KRT86: variants seen among roughly 807,000 people sequenced by gnomAD.
KRT86 encodes the protein keratin 86, also known as keratin, type II cuticular Hb6.
KRT86 carries 30 observed loss-of-function variants against 41.2 expected under a neutral mutation model. That is an observed-to-expected ratio of 0.73 (90% CI 0.54 to 0.99). KRT86 has a LOEUF of 0.99. Ranked by LOEUF, KRT86 falls within the 50% of genes least tolerant of loss-of-function variation. KRT86 has a pLI of 0.00. For missense variants in KRT86, 561 were observed against 571.4 expected, an observed-to-expected ratio of 0.98 and a Z score of 0.19; for synonymous variants, 238 against 238.1, an observed-to-expected ratio of 1.00 and a Z score of 0.00.
intron 2 of KRT86, among the ~76,000 whole-genome samples, chr12:52,281,260 G>GCACT (rs1370262099): frequency 1.3e-5 from 2 of 152,212 alleles, no homozygotes; most frequent in East Asian, 1.9e-4. Flanking sequence ...CAGCAGAAGG[G>GCACT]CACTATAAGG....
intron 2 of KRT86, among the ~76,000 whole-genome samples, chr12:52,282,533 G>A (rs1937800561): frequency 6.6e-6 from 1 of 152,234 alleles, no homozygotes. Context: ...ACCGCGCCCG[G>A]CCAAGTTTTG....
intron 7 of KRT86, 104 bp downstream of exon 7, chr12:52,305,508 G>A: frequency 6.2e-7 from 1 of 1,602,868 alleles, no homozygotes; most frequent in Non-Finnish European, 8.5e-7. Context: ...GGGATGAGAA[G>A]AGATGGCTGC....
At position 52,308,661 on chromosome 12, in the gene KRT86, G is replaced by T. The variant is rs1314439117; in HGVS notation, c.*76G>T. The T allele has an allele frequency of 2.1e-6, 3 of 1,420,628 alleles. No individual in the cohort carries two copies. The highest frequency in any genetic ancestry group is 2.9e-6 in the Non-Finnish European group (3 of 1,037,528). The allele number at this position is 1,420,628 out of a possible 1,614,324, so 88.0% of individuals were successfully genotyped here. A position where few individuals can be genotyped will look rare whatever the true frequency, so the allele number is the denominator to read the frequency against. ...GTACCTCGCGCCACCAGAACGCGCC[G>T]CCCGCGCCGGCCTCCCAATAGCCGC... is the stretch of plus-strand genomic sequence containing the variant. On this transcript the variant is annotated 3_prime_UTR_variant, in exon 11 of 11. Coordinates refer to ENST00000423955, the MANE Select transcript of KRT86 (RefSeq NM_001320198.2).
At chr12:52,280,072 G>C (rs1565735837) in intron 2 of KRT86, among the ~76,000 whole-genome samples, 1 of 152,212 alleles carries the variant, frequency 6.6e-6, no homozygotes, top group Admixed American at 6.5e-5. Flanking sequence ...ATGGGGGCTG[G>C]AGAGAGATGA....
In KRT86 at chr12:52,304,921, C is replaced by T. The variant is rs1436527503; in HGVS notation, c.640-11C>T. On this transcript the variant is annotated splice_polypyrimidine_tract_variant and intron_variant, in intron 5 of 10. Transcript: ENST00000423955. ...AGGGTCCTTGAGCTCCAACACTCCC[C>T]ACCTTTCCAGGATGTGGACTGCGCC... is the stretch of plus-strand genomic sequence containing the variant. 6.2e-7 allele frequency: 1 copy of T among 1,613,854 alleles called. No individual in the cohort carries two copies.
chr12:52,295,457 C>T (rs183154548), intron 2 of KRT86, among the ~76,000 whole-genome samples: 129 of 152,302 alleles, frequency 8.5e-4, no homozygotes, highest in African/African-American at 1.3e-3. Context: ...TGTACACCAT[C>T]GGCCATCAGT....
At position 52,306,229 on chromosome 12, in the gene KRT86, T is replaced by C. The variant is rs754335203; in HGVS notation, c.1196T>C (p.Leu399Pro). 1 of 1,613,722 alleles carries C rather than the reference T, an allele frequency of 6.2e-7. No homozygotes were observed. The highest frequency in any genetic ancestry group is 1.3e-5 in the African/African-American group (1 of 75,042). ...GAGGTGATGAACTCCAAGCTGGGCC[T>C]GGACATCGAGATCGCCACCTACAGG... ...YQEVMNSKLGLDIEIATYRRL... is the reference protein window; with the variant it reads ...YQEVMNSKLGPDIEIATYRRL... Residue 399 changes from leucine (L) to proline (P), a missense_variant, in exon 9 of 11, where the codon CTG becomes CCG. By Grantham distance (98) the Leu-to-Pro change is moderately conservative (BLOSUM62 -3). Transcript: ENST00000423955.
intron 2 of KRT86, 92 bp from the exon 3 acceptor site, chr12:52,301,821 A>C: frequency 1.2e-6 from 2 of 1,612,504 alleles, no homozygotes; most frequent in Non-Finnish European, 8.5e-7. Context: ...AAAGGCCTAC[A>C]GAGGTGCAAG....
At chr12:52,302,368 C>G in intron 3 of KRT86, 83 bp downstream of exon 3, 2 of 450,276 alleles carry the variant, frequency 4.4e-6, no homozygotes, top group Non-Finnish European at 7.4e-6. Flanking sequence ...GTCAGAGGCA[C>G]AAAGACCTCT....
intron 1 of KRT86, 174 bp downstream of exon 1, chr12:52,274,896 C>A: frequency 5.2e-6 from 1 of 193,650 alleles, no homozygotes; most frequent in Non-Finnish European, 9.4e-6. Flanking sequence ...CTCCATCTGC[C>A]CTAGAAGAAA....
intron 2 of KRT86, chr12:52,291,556 C>G: frequency 6.4e-7 from 1 of 1,552,256 alleles, no homozygotes; most frequent in Non-Finnish European, 8.8e-7. Flanking sequence ...GCACCGCAGC[C>G]CTATTTATGC....
intron 1 of KRT86, among the ~76,000 whole-genome samples, chr12:52,275,439 T>A (rs1472050331): frequency 6.6e-6 from 1 of 152,242 alleles, no homozygotes; most frequent in Admixed American, 6.5e-5. Flanking sequence ...TTCATTAATT[T>A]TTTTTGTACT....
intron 2 of KRT86, among the ~76,000 whole-genome samples, chr12:52,295,554 A>T (rs1358279023): frequency 6.6e-6 from 1 of 152,212 alleles, no homozygotes; most frequent in Non-Finnish European, 1.5e-5. Context: ...AGGGCCCTGC[A>T]GGTTGCTCTC....
chr12:52,298,836 T>C (rs982409104), intron 2 of KRT86, among the ~76,000 whole-genome samples: 20 of 152,220 alleles, frequency 1.3e-4, no homozygotes, highest in Non-Finnish European at 4.4e-5. Flanking sequence ...GGGTACATAA[T>C]AGTTATACAT....
chr12:52,287,550 G>C, intron 2 of KRT86: 2 of 1,613,932 alleles, frequency 1.2e-6, no homozygotes, highest in Non-Finnish European at 1.7e-6. Flanking sequence ...GTGTGACAAT[G>C]GTTAGGCCCT....
At position 52,286,338 on chromosome 12, in the gene KRT86, C is replaced by T. The variant is rs150356449; in HGVS notation, c.-5+10392C>T. ...GAGCCCACGCCGCAGGAACCCCCTCCGCAGGTGGTGTTCAATTGGCCGCAG... is the reference window on the plus strand; with the variant it reads ...GAGCCCACGCCGCAGGAACCCCCTCTGCAGGTGGTGTTCAATTGGCCGCAG... On this transcript the variant is annotated intron_variant, in intron 2 of 10. Transcript: ENST00000423955. 34 of 1,554,872 alleles carry T rather than the reference C, an allele frequency of 2.2e-5. 1 individual carries two copies. Among genetic ancestry groups the T allele is most frequent in the East Asian group, 4.8e-5 (2 of 41,372 alleles).
intron 9 of KRT86, chr12:52,306,729 A>G (rs1481923264): frequency 4.1e-6 from 1 of 246,254 alleles, no homozygotes; most frequent in South Asian, 6.5e-5. Flanking sequence ...ATGCTTTTCT[A>G]TTATAGTGCC....
rs765348086 is a variant in KRT86 at position 52,301,982 on chromosome 12, C to G, written c.66C>G (p.Pro22=). ...GCATCTCGGCCTGCGGGCCCCGGCC[C>G]GGCCGCTGCTGCATCACCGCCGCCC... is the stretch of plus-strand genomic sequence containing the variant. ...FSCISACGPR[P]GRCCITAAPY... Residue 22 remains proline (P), a synonymous_variant, in exon 3 of 11, where the codon CCC becomes CCG. Transcript: ENST00000423955. 9.3e-6 allele frequency: 15 copies of G among 1,613,218 alleles called. No homozygotes were observed. The Admixed American group carries it at 2.0e-4, about 22-fold the overall frequency.
At chr12:52,304,883 A>C (rs532803731) in intron 5 of KRT86, 49 bp from the exon 6 acceptor site, 3 of 1,589,190 alleles carry the variant, frequency 1.9e-6, no homozygotes, top group Middle Eastern at 1.7e-4. Context: ...AGGAATCTAG[A>C]GGCTGGATCA....
Sources: allele counts gnomAD v4.1 joint callset (sites outside exome capture counted in the v4.1 genomes callset), GRCh38; gene constraint gnomAD v4.1.1; transcripts MANE v1.5; gene names NCBI Gene and HGNC (gene_info 2026-07-23, HGNC 2026-07-21).